The following SMARCE1 variants were observed in gnomAD, a reference collection of about 807,000 sequenced individuals.
The protein encoded by SMARCE1 is SWI/SNF-related matrix-associated actin-dependent regulator of chromatin subfamily E member 1.
In SMARCE1, 13 loss-of-function variants were observed where a neutral mutation model predicts 54.9. That is an observed-to-expected ratio of 0.24 (90% CI 0.15 to 0.38). The LOEUF (loss-of-function observed/expected upper bound fraction) is 0.38, where lower values mean the gene tolerates loss of function less well. Ranked by LOEUF, SMARCE1 falls within the 10% of genes least tolerant of loss-of-function variation. The probability of loss-of-function intolerance (pLI) is 1.00; values close to 1 mark genes in which losing one functional copy is unlikely to be tolerated. For synonymous variants in SMARCE1, 151 were observed against 175.3 expected (o/e 0.86, Z 1.10); for missense variants, 295 against 523.8 (o/e 0.56, Z 4.26).
chr17:40,632,266 C>T lies in SMARCE1; in HGVS notation c.643G>A (p.Val215Ile), dbSNP rs376327613. ...CTAGCTGTTGTGACAACTGACCGAACGTCTGGCACCACACTCTCACTAAGA... is the reference window on the plus strand; with the variant it reads ...CTAGCTGTTGTGACAACTGACCGAATGTCTGGCACCACACTCTCACTAAGA... ...EILSESVVPD[V>I]RSVVTTARMQ... The change falls in exon 8 of 11, where the codon GTT (valine) becomes ATT (isoleucine). Residue 215 changes from valine to isoleucine, a missense_variant. By Grantham distance (29) the Val-to-Ile change is conservative (BLOSUM62 3). Around this residue, in one of 5 missense-constraint regions of SMARCE1, gnomAD observed 101 missense variants for 183.1 expected, o/e 0.55. Coordinates refer to ENST00000348513, the MANE Select transcript of SMARCE1 (RefSeq NM_003079.5). 21 of 1,613,812 alleles carry T rather than the reference C, an allele frequency of 1.3e-5. No homozygotes were observed. Among genetic ancestry groups the T allele is most frequent in the Admixed American group, 8.3e-5 (5 of 60,000 alleles).
At chr17:40,644,721 A>G (rs191644432) in intron 3 of SMARCE1, 9 of 152,342 alleles carry the variant, frequency 5.9e-5, no homozygotes, top group African/African-American at 1.4e-4. Context: ...ACTAAGTTAC[A>G]CAAGGACCTA....
At position 40,632,291 on chromosome 17, in the gene SMARCE1, A is replaced by G; in HGVS notation, c.618T>C (p.Ile206=). 1 of 1,614,026 alleles carries G rather than the reference A, an allele frequency of 6.2e-7. No homozygotes were observed. Among genetic ancestry groups the G allele is most frequent in the Non-Finnish European group, 8.5e-7 (1 of 1,179,920 alleles). The stretch of plus-strand genomic sequence containing the variant: ...CGTCTGGCACCACACTCTCACTAAG[A>G]ATTTCACTGATGAGGCGGTGGTTTC... ...FQRNHRLISE[I]LSESVVPDVR... The change falls in exon 8 of 11, where the codon ATT becomes ATC. Residue 206 remains isoleucine (I), a synonymous_variant. Transcript: ENST00000348513.
rs1381074022 is a variant in SMARCE1 at position 40,645,705 on chromosome 17, A to G, written c.8-86T>C. 21 of 1,088,236 alleles carry G rather than the reference A, an allele frequency of 1.9e-5. No homozygotes were observed. In the East Asian group the frequency reaches 2.3e-4, roughly 12 times the overall value. The allele number at this position is 1,088,236 out of a possible 1,614,324, so 67.4% of individuals were successfully genotyped here. ...AACTACCAATGGTCCTGTTTTGAAG[A>G]AAAAAAAATGAGAGTATTTTGGAAT... On this transcript the variant is annotated intron_variant, in intron 2 of 10. Coordinates refer to ENST00000348513, the MANE Select transcript of SMARCE1 (RefSeq NM_003079.5).
chr17:40,647,321 C>T (rs2037267866), intron 1 of SMARCE1: 1 of 152,274 alleles, frequency 6.6e-6, no homozygotes, highest in African/African-American at 2.4e-5. Context: ...TGTCTGAAGC[C>T]ATATGCAGCC....
intron 10 of SMARCE1, chr17:40,629,839 C>G (rs2037072094): frequency 2.7e-6 from 1 of 373,236 alleles, no homozygotes; most frequent in East Asian, 3.9e-5. Context: ...AAAACACATT[C>G]ATACAAAACA....
At chr17:40,644,375 A>G (rs182482250) in intron 3 of SMARCE1, 54 of 152,270 alleles carry the variant, frequency 3.5e-4, no homozygotes, top group African/African-American at 1.0e-3. Context: ...GCAAAACATT[A>G]TAATTATACC....
Position 40,645,580 on chromosome 17 carries a change from GC to G in SMARCE1, c.46del (p.Ala16GlnfsTer55). On this transcript the variant is annotated frameshift_variant, in exon 3 of 11. Coordinates refer to ENST00000348513, the MANE Select transcript of SMARCE1 (RefSeq NM_003079.5). LOFTEE classifies it high-confidence loss of function. ...SYAPPPTPAP[A>X]TQMPSTPGFV... ...AACAAGAAAATTAAAACTTACTGTT[GC>G]AGGAGCTGGGGTGGGAGGTGGGGCA... 6.4e-7 allele frequency: 1 copy of G among 1,563,222 alleles called. No homozygotes were observed. The highest frequency in any genetic ancestry group is 1.4e-5 in the African/African-American group (1 of 71,330).
In SMARCE1 at chr17:40,627,511, T is replaced by C. The variant is rs1451382809; in HGVS notation, c.*1274A>G. On this transcript the variant is annotated 3_prime_UTR_variant, in exon 11 of 11. Transcript: ENST00000348513. ...TCCATATGTGACAATGACTATAATG[T>C]AAGAAAACTGATTTTCACAAGTGTC... The C allele has an allele frequency of 6.6e-6, 1 of 152,276 alleles. No individual in the cohort carries two copies. Among genetic ancestry groups the C allele is most frequent in the Non-Finnish European group, 1.5e-5 (1 of 68,034 alleles). The allele number at this position is 152,276 out of a possible 1,614,324, so 9.4% of individuals were successfully genotyped here. A position where few individuals can be genotyped will look rare whatever the true frequency, so the allele number is the denominator to read the frequency against.
chr17:40,634,250 C>G (rs2037124684), intron 7 of SMARCE1: 1 of 152,722 alleles, frequency 6.5e-6, no homozygotes, highest in African/African-American at 2.4e-5. Flanking sequence ...CTACCTCAGC[C>G]TCAGCTGGAG....
intron 4 of SMARCE1, chr17:40,641,333 A>T (rs1296646076): frequency 6.6e-6 from 1 of 152,222 alleles, no homozygotes; most frequent in Non-Finnish European, 1.5e-5. Flanking sequence ...AGATACCATG[A>T]AATATGCATG....
intron 3 of SMARCE1, chr17:40,644,912 T>C (rs949490622): frequency 2.0e-5 from 3 of 152,218 alleles, no homozygotes; most frequent in African/African-American, 7.2e-5. Flanking sequence ...CCTGAACAGT[T>C]ACTGCTAAAT....
In SMARCE1 at chr17:40,627,170, CTATT is replaced by C. The variant is rs1167265561; in HGVS notation, c.*1611_*1614del. ...ATAATGGCCAAAGCTCAAAACAGAT[CTATT>C]TGATACAAATTCGTTCTTTGACACA... On this transcript the variant is annotated 3_prime_UTR_variant, in exon 11 of 11. Transcript: ENST00000348513. 2 of 152,182 alleles carry C rather than the reference CTATT, an allele frequency of 1.3e-5. No individual in the cohort carries two copies. Among genetic ancestry groups the C allele is most frequent in the Admixed American group, 6.5e-5 (1 of 15,286 alleles). The allele number at this position is 152,182 out of a possible 1,614,324, so 9.4% of individuals were successfully genotyped here. A position where few individuals can be genotyped will look rare whatever the true frequency, so the allele number is the denominator to read the frequency against.
chr17:40,642,770 T>C lies in SMARCE1; in HGVS notation c.52-211A>G. Reference sequence around the variant, plus strand: ...GTCTGCAGTGTCTTTTGGTTGTTTTTCTCTTTCTTTTTTGCAGGGGCTGGG... The same window carrying C: ...GTCTGCAGTGTCTTTTGGTTGTTTTCCTCTTTCTTTTTTGCAGGGGCTGGG... On this transcript the variant is annotated intron_variant, in intron 3 of 10. Transcript: ENST00000348513. This position sits in a 1 kb window ranked among gnomAD's most constrained non-coding sequence, Gnocchi z 4.6. 3 of 537,168 alleles carry C rather than the reference T, an allele frequency of 5.6e-6. No individual in the cohort carries two copies. The highest frequency in any genetic ancestry group is 3.6e-5 in the Admixed American group (1 of 27,618). The allele number at this position is 537,168 out of a possible 1,614,324, so 33.3% of individuals were successfully genotyped here.
intron 7 of SMARCE1, chr17:40,633,514 C>T (rs1401808955): frequency 1.3e-5 from 2 of 152,076 alleles, no homozygotes; most frequent in Admixed American, 1.3e-4. Flanking sequence ...ACCACTTAAT[C>T]ACCTCAGTGA....
intron 1 of SMARCE1, among the ~76,000 whole-genome samples, chr17:40,646,317 G>A (rs2037256154): frequency 6.6e-6 from 1 of 152,156 alleles, no homozygotes. Flanking sequence ...AGTGCAAAAG[G>A]TAATTGGTAT....
At chr17:40,639,267 GACAC>G (rs1229997995) in intron 4 of SMARCE1, among the ~76,000 whole-genome samples, 1 of 152,166 alleles carries the variant, frequency 6.6e-6, no homozygotes, top group Non-Finnish European at 1.5e-5. Flanking sequence ...CAGAGGAACA[GACAC>G]ACACAAGTCT....
intron 8 of SMARCE1, chr17:40,631,992 T>C (rs2037099968): frequency 3.6e-6 from 2 of 556,948 alleles, no homozygotes; most frequent in Non-Finnish European, 6.3e-6. Context: ...ATACTTTCCA[T>C]TACAAGGTTC....
chr17:40,637,785 C>T, intron 4 of SMARCE1: 1 of 537,938 alleles, frequency 1.9e-6, no homozygotes, highest in South Asian at 2.1e-5. Flanking sequence ...CAGTTTATTG[C>T]CAATGCTTTG....
chr17:40,637,351 A>T, intron 5 of SMARCE1, 141 bp downstream of exon 5: 2 of 713,866 alleles, frequency 2.8e-6, no homozygotes, highest in Admixed American at 4.2e-5. Flanking sequence ...ATCAGAACTA[A>T]TTGCTTTAAA....
Sources: allele counts gnomAD v4.1 joint callset (sites outside exome capture counted in the v4.1 genomes callset), GRCh38; gene constraint gnomAD v4.1.1; regional missense constraint gnomAD v4.1.1; non-coding constraint Gnocchi (gnomAD v3.1); transcripts MANE v1.5; gene names NCBI Gene and HGNC (gene_info 2026-07-23, HGNC 2026-07-21).